The following PLCG2 variants were observed in gnomAD, a reference collection of about 807,000 sequenced individuals.
The protein encoded by PLCG2 is 1-phosphatidylinositol 4,5-bisphosphate phosphodiesterase gamma-2.
A neutral mutation model predicts 175.6 loss-of-function variants in PLCG2; 69 were observed. The observed-to-expected ratio is 0.39, with a 90% CI of 0.32 to 0.48. The LOEUF is 0.48. Among genes scored for constraint, PLCG2 ranks in the 20% least tolerant of loss-of-function variants. The pLI is 0.91. For missense variants in PLCG2, 1,798 were observed against 1,650.9 expected, an observed-to-expected ratio of 1.09 and a Z score of -1.54; for synonymous variants, 827 against 624.0, an observed-to-expected ratio of 1.33 and a Z score of -4.85.
In PLCG2 at chr16:81,938,924, G is replaced by T. The variant is rs902124743; in HGVS notation, c.3313+9G>T. ...CAAGACGACGGTTGTGAGTAAGTCA[G>T]TCACCTTGGCCCCTCTGCTTTTAAA... is the stretch of plus-strand genomic sequence containing the variant. On this transcript the variant is annotated intron_variant, in intron 29 of 32. Coordinates refer to ENST00000564138, the MANE Select transcript of PLCG2 (RefSeq NM_002661.5). The T allele has an allele frequency of 6.6e-7, 1 of 1,523,886 alleles. No homozygotes were observed. The highest frequency in any genetic ancestry group is 1.4e-5 in the African/African-American group (1 of 73,224). The allele number at this position is 1,523,886 out of a possible 1,614,324, so 94.4% of individuals were successfully genotyped here.
intron 2 of PLCG2, among the ~76,000 whole-genome samples, chr16:81,824,734 G>T (rs1454577493): frequency 6.6e-6 from 1 of 152,182 alleles, no homozygotes; most frequent in Non-Finnish European, 1.5e-5. Flanking sequence ...CCTTCCCCAT[G>T]ATGTCACCTT....
intron 2 of PLCG2, among the ~76,000 whole-genome samples, chr16:81,774,177 C>CAAAAAAAAAAA (rs57503150): frequency 2.5e-5 from 1 of 40,544 alleles, no homozygotes; most frequent in African/African-American, 1.1e-4. Flanking sequence ...ACTAAAAATA[C>CAAAAAAAAAAA]AAAAAAAAAA....
chr16:81,844,462 C>T (rs1291908938), intron 2 of PLCG2, among the ~76,000 whole-genome samples: 1 of 152,190 alleles, frequency 6.6e-6, no homozygotes, highest in East Asian at 1.9e-4. Flanking sequence ...ACTGCGATTA[C>T]AGGTGCATGC....
upstream of PLCG2, among the ~76,000 whole-genome samples, chr16:81,775,996 C>T (rs1910391391): frequency 6.6e-6 from 1 of 151,962 alleles, no homozygotes; most frequent in East Asian, 1.9e-4. Context: ...ACTGACTTAA[C>T]CCACTCTAGC....
chr16:81,748,097 AC>A (rs1203298217), intron 1 of PLCG2, among the ~76,000 whole-genome samples: 3 of 151,620 alleles, frequency 2.0e-5, no homozygotes, highest in African/African-American at 7.3e-5. Context: ...CTGGTCTTGA[AC>A]TCCTGACCTC....
At chr16:81,855,207 A>AG (rs1356866659) in intron 3 of PLCG2, among the ~76,000 whole-genome samples, 1 of 151,660 alleles carries the variant, frequency 6.6e-6, no homozygotes, top group Non-Finnish European at 1.5e-5. Flanking sequence ...AAAAAAAAAA[A>AG]AGAGAAGAAA....
At chr16:81,834,389 G>A (rs1905405814) in intron 2 of PLCG2, among the ~76,000 whole-genome samples, 3 of 152,156 alleles carry the variant, frequency 2.0e-5, no homozygotes, top group Admixed American at 1.3e-4. Context: ...AGGAGCCGGC[G>A]CGGGTGGTGT....
In PLCG2 at chr16:81,786,066, C is replaced by T. The variant is rs189301790; in HGVS notation, c.77C>T (p.Thr26Met). 8.7e-4 allele frequency: 1,397 copies of T among 1,614,134 alleles called. 2 individuals are homozygous for T. The highest frequency in any genetic ancestry group is 1.1e-3 in the Non-Finnish European group (1,257 of 1,179,984). Residue 26 changes from threonine (T) to methionine (M), a missense_variant, in exon 2 of 33, where the codon ACG becomes ATG. By Grantham distance (81) the Thr-to-Met change is moderately conservative (BLOSUM62 -1). Coordinates refer to ENST00000564138, the MANE Select transcript of PLCG2 (RefSeq NM_002661.5). ...SQIKRALELG[T>M]VMTVFSFRKS... Reference sequence around the variant, plus strand: ...ATCAAGAGAGCCCTGGAGCTGGGGACGGTGATGACTGTGTTCAGCTTCCGC... The same window carrying T: ...ATCAAGAGAGCCCTGGAGCTGGGGATGGTGATGACTGTGTTCAGCTTCCGC...
At chr16:81,957,439 C>G (rs1028142765) in intron 32 of PLCG2, among the ~76,000 whole-genome samples, 4 of 152,190 alleles carry the variant, frequency 2.6e-5, no homozygotes, top group Non-Finnish European at 5.9e-5. Context: ...AAGGACACTT[C>G]AATTTAATAG....
chr16:81,846,666 A>C (rs543848784), intron 2 of PLCG2, among the ~76,000 whole-genome samples: 1 of 152,364 alleles, frequency 6.6e-6, no homozygotes, highest in South Asian at 2.1e-4. Context: ...GTTCATGGAT[A>C]GGAAGACTCA....
intron 30 of PLCG2, among the ~76,000 whole-genome samples, chr16:81,940,536 G>C (rs903378584): frequency 6.6e-6 from 1 of 152,042 alleles, no homozygotes; most frequent in African/African-American, 2.4e-5. Context: ...AAATTGGGTG[G>C]GTTAATTTAC....
At chr16:81,942,999 G>GAGAC (rs1428765773) in intron 30 of PLCG2, among the ~76,000 whole-genome samples, 2 of 152,162 alleles carry the variant, frequency 1.3e-5, no homozygotes, top group Admixed American at 1.3e-4. Flanking sequence ...CATAGAGCTG[G>GAGAC]AGACAGCTGG....
Position 81,867,174 on chromosome 16 carries a change from C to T in PLCG2, c.480-2040C>T, listed in dbSNP as rs115866157. On this transcript the variant is annotated intron_variant, in intron 5 of 32. Transcript: ENST00000564138. ...TCACACTGGACCGTCTCCAGGGCAG[C>T]GGCTGGGCAGTGACGCGCTACTTCC... is the stretch of plus-strand genomic sequence containing the variant. Among the ~76,000 whole-genome samples, 1,409 of 152,316 alleles carry T rather than the reference C, an allele frequency of 9.3e-3. 26 individuals carry two copies. Among genetic ancestry groups the T allele is most frequent in the African/African-American group, 0.033 (1,362 of 41,566 alleles).
chr16:81,897,251 T>C (rs1908934050), intron 13 of PLCG2, among the ~76,000 whole-genome samples: 1 of 152,270 alleles, frequency 6.6e-6, no homozygotes, highest in Non-Finnish European at 1.5e-5. Flanking sequence ...ATTGGAATGA[T>C]AGTTGTCTTT....
intron 9 of PLCG2, among the ~76,000 whole-genome samples, chr16:81,888,396 G>T (rs35916156): frequency 0.33 from 49,996 of 151,496 alleles, 9,509 homozygotes; most frequent in East Asian, 0.6. Flanking sequence ...AAAAAAAAAT[G>T]TTTGTATTTT....
chr16:81,834,535 C>G (rs1427711746), intron 2 of PLCG2, among the ~76,000 whole-genome samples: 2 of 152,140 alleles, frequency 1.3e-5, no homozygotes, highest in Admixed American at 6.5e-5. Flanking sequence ...GGAGAGACCG[C>G]TGAGATGATG....
intron 9 of PLCG2, among the ~76,000 whole-genome samples, chr16:81,887,944 C>T (rs538879320): frequency 1.2e-4 from 19 of 152,254 alleles, no homozygotes; most frequent in South Asian, 8.3e-4. Context: ...ATATTTCAGA[C>T]GTTATCAGTG....
Position 81,910,512 on chromosome 16 carries a change from C to A in PLCG2, c.1734-8C>A. On this transcript the variant is annotated splice_polypyrimidine_tract_variant and splice_region_variant and intron_variant, in intron 17 of 32. Transcript: ENST00000564138. ...TCTCCCAGCACTGATGGCGTCCTCT[C>A]CCCGCAGGCGGTCAGGCCGGGTCCA... 6.2e-7 allele frequency: 1 copy of A among 1,613,390 alleles called. No homozygotes were observed.
chr16:81,886,026 A>G (rs552067062), intron 9 of PLCG2, among the ~76,000 whole-genome samples: 1 of 152,322 alleles, frequency 6.6e-6, no homozygotes, highest in African/African-American at 2.4e-5. Flanking sequence ...GGTAGAGAGA[A>G]ATTCATGCAC....
Sources: gnomAD v4.1 joint callset for allele counts (sites outside exome capture counted in the v4.1 genomes callset) on GRCh38, gnomAD v4.1.1 for gene constraint, MANE v1.5 for transcripts, NCBI Gene and HGNC (gene_info 2026-07-23, HGNC 2026-07-21) for gene names.